The following SYT1 variants were observed in gnomAD, a reference collection of about 807,000 sequenced individuals.
SYT1 encodes synaptotagmin 1.
A neutral mutation model predicts 44.8 loss-of-function variants in SYT1; 8 were observed. That is an observed-to-expected ratio of 0.18 (90% CI 0.10 to 0.32). SYT1 has a LOEUF of 0.32. SYT1 is among the 10% of genes least tolerant of loss of function. SYT1 has a pLI of 1.00. For synonymous variants in SYT1, 154 were observed against 188.8 expected, an observed-to-expected ratio of 0.82 and a Z score of 1.51; for missense variants, 286 against 509.3, an observed-to-expected ratio of 0.56 and a Z score of 4.22.
At chr12:79,373,068 C>G (rs1856042035) in intron 9 of SYT1, among the ~76,000 whole-genome samples, 1 of 152,128 alleles carries the variant, frequency 6.6e-6, no homozygotes, top group Non-Finnish European at 1.5e-5. Flanking sequence ...AATGTAGACT[C>G]TGATTTAGGA....
chr12:79,045,737 C>T (rs1414046972), intron 2 of SYT1: 1 of 152,088 alleles, frequency 6.6e-6, no homozygotes, highest in East Asian at 1.9e-4. Flanking sequence ...CATGCAAAAC[C>T]AAAATGAAAT....
intron 1 of SYT1, among the ~76,000 whole-genome samples, chr12:78,866,236 C>T (rs2137026967): frequency 6.6e-6 from 1 of 152,272 alleles, no homozygotes; most frequent in Admixed American, 6.5e-5. Context: ...GGATACCAAA[C>T]TTATGCCTGG....
intron 9 of SYT1, among the ~76,000 whole-genome samples, chr12:79,366,062 C>T (rs1380816096): frequency 6.6e-6 from 1 of 152,166 alleles, no homozygotes; most frequent in Non-Finnish European, 1.5e-5. Flanking sequence ...AACAATTAAG[C>T]ATCTGAAAGC....
At chr12:79,413,185 G>C (rs1035053064) in intron 9 of SYT1, among the ~76,000 whole-genome samples, 2 of 152,198 alleles carry the variant, frequency 1.3e-5, no homozygotes, top group African/African-American at 4.8e-5. Flanking sequence ...AAGGTACCCA[G>C]ATATTTTCCT....
At chr12:79,041,264 T>C (rs907668001) in intron 2 of SYT1, among the ~76,000 whole-genome samples, 4 of 152,190 alleles carry the variant, frequency 2.6e-5, no homozygotes, top group Non-Finnish European at 4.4e-5. Context: ...GAGCATGGAA[T>C]GTTCTTCCAT....
At chr12:79,447,885 G>A (rs973174530) in intron 10 of SYT1, among the ~76,000 whole-genome samples, 2 of 152,008 alleles carry the variant, frequency 1.3e-5, no homozygotes, top group Non-Finnish European at 2.9e-5. Flanking sequence ...GTCCACTAAA[G>A]GGCCCTAACT....
intron 1 of SYT1, among the ~76,000 whole-genome samples, chr12:78,944,824 G>T (rs1878567428): frequency 6.6e-6 from 1 of 152,108 alleles, no homozygotes; most frequent in African/African-American, 2.4e-5. Flanking sequence ...CACACACAGT[G>T]TAGTCTTATG....
intron 2 of SYT1, among the ~76,000 whole-genome samples, chr12:79,035,949 C>CA (rs5799409): frequency 0.021 from 2,731 of 128,188 alleles, 58 homozygotes; most frequent in Admixed American, 0.076. Flanking sequence ...AACAAACAAA[C>CA]AAAAAAAAAA....
rs115111535 is a variant in SYT1 at position 79,397,815 on chromosome 12, G to A, written c.928+44196G>A. 9.5e-3 allele frequency among the ~76,000 whole-genome samples: 1,440 copies of A among 152,258 alleles called. 25 individuals carry two copies. Among genetic ancestry groups the A allele is most frequent in the African/African-American group, 0.033 (1,388 of 41,556 alleles). On this transcript the variant is annotated intron_variant, in intron 9 of 10. Transcript: ENST00000261205. The stretch of plus-strand genomic sequence containing the variant: ...AGGAAGCATCCTGATAGATTTTTCC[G>A]AGTATATGTGAACTCCTAATCCAAA...
chr12:78,865,144 G>C (rs1389681261), intron 1 of SYT1, 35 bp downstream of exon 1: 2 of 152,278 alleles, frequency 1.3e-5, no homozygotes, highest in Non-Finnish European at 2.9e-5. Flanking sequence ...GGCCACCTCG[G>C]CGGTGCCTAT....
intron 1 of SYT1, among the ~76,000 whole-genome samples, chr12:78,916,266 T>C (rs901378271): frequency 6.6e-6 from 1 of 152,036 alleles, no homozygotes; most frequent in African/African-American, 2.4e-5. Flanking sequence ...TCTGAATAAA[T>C]CACTAAGCCA....
intron 9 of SYT1, among the ~76,000 whole-genome samples, chr12:79,398,955 C>T (rs1057233198): frequency 6.6e-6 from 1 of 152,132 alleles, no homozygotes; most frequent in African/African-American, 2.4e-5. Flanking sequence ...CTGTCCAGCT[C>T]AACACGACCA....
At chr12:79,369,004 T>C (rs1279989076) in intron 9 of SYT1, among the ~76,000 whole-genome samples, 6 of 152,226 alleles carry the variant, frequency 3.9e-5, no homozygotes. Flanking sequence ...AATGAGATGA[T>C]ACTTTTATAA....
intron 8 of SYT1, among the ~76,000 whole-genome samples, chr12:79,330,815 C>T (rs767462037): frequency 1.3e-5 from 2 of 152,088 alleles, no homozygotes; most frequent in Non-Finnish European, 2.9e-5. Flanking sequence ...ACATGAAGGT[C>T]CATAAGGTTT....
chr12:79,309,712 A>G (rs1161473522), intron 8 of SYT1, among the ~76,000 whole-genome samples: 1 of 152,242 alleles, frequency 6.6e-6, no homozygotes, highest in Non-Finnish European at 1.5e-5. Flanking sequence ...TTTATGCTTT[A>G]AAACTTAAAT....
chr12:79,113,328 C>T (rs1879112200), intron 3 of SYT1, among the ~76,000 whole-genome samples: 1 of 152,056 alleles, frequency 6.6e-6, no homozygotes, highest in African/African-American at 2.4e-5. Context: ...TTCCTTGATG[C>T]TGGCTATTGA....
intron 9 of SYT1, among the ~76,000 whole-genome samples, chr12:79,382,659 C>T (rs974085285): frequency 3.9e-5 from 6 of 152,084 alleles, no homozygotes; most frequent in African/African-American, 1.4e-4. Context: ...TGAAATGATC[C>T]ATCTTATTAA....
At chr12:79,033,932 T>C (rs895789481) in intron 2 of SYT1, among the ~76,000 whole-genome samples, 9 of 151,444 alleles carry the variant, frequency 5.9e-5, no homozygotes, top group Admixed American at 3.3e-4. Flanking sequence ...TAGACCTCCA[T>C]AGACATGTGG....
At chr12:79,025,450 C>T (rs1208194021) in intron 2 of SYT1, among the ~76,000 whole-genome samples, 1 of 151,538 alleles carries the variant, frequency 6.6e-6, no homozygotes, top group Admixed American at 6.6e-5. Context: ...TTTTTTAAAC[C>T]ATGAGAAACT....
Sources: gnomAD v4.1 joint callset for allele counts (sites outside exome capture counted in the v4.1 genomes callset) on GRCh38, gnomAD v4.1.1 for gene constraint, MANE v1.5 for transcripts, NCBI Gene and HGNC (gene_info 2026-07-23, HGNC 2026-07-21) for gene names.